The following AEBP2 variants were observed in gnomAD, a reference collection of about 807,000 sequenced individuals.
The protein encoded by AEBP2 is zinc finger protein AEBP2.
A neutral mutation model predicts 50.8 loss-of-function variants in AEBP2; 10 were observed. That is an observed-to-expected ratio of 0.20 (90% CI 0.12 to 0.33). The LOEUF (loss-of-function observed/expected upper bound fraction) is 0.33, where lower values mean the gene tolerates loss of function less well. AEBP2 is among the 10% of genes least tolerant of loss of function. AEBP2 has a pLI of 1.00. For missense variants in AEBP2, 570 were observed against 688.0 expected, an observed-to-expected ratio of 0.83 and a Z score of 1.92; for synonymous variants, 296 against 261.3, an observed-to-expected ratio of 1.13 and a Z score of -1.28.
intron 3 of AEBP2, among the ~76,000 whole-genome samples, chr12:19,488,702 ATTGC>A (rs777735480): frequency 2.2e-4 from 34 of 152,170 alleles, no homozygotes; most frequent in Non-Finnish European, 4.3e-4. Flanking sequence ...CAGTCTTAGT[ATTGC>A]TTCGTCCAAA....
rs2120668150 is a variant in AEBP2, at chr12:19,521,812, A to G, written c.*3695A>G. On this transcript the variant is annotated 3_prime_UTR_variant, in exon 8 of 8. Coordinates refer to ENST00000266508, the MANE Select transcript of AEBP2 (RefSeq NM_153207.5). ...TATTTTTTCTTTGAATTCTTAATTC[A>G]TGGTGAACAGATGTTGGGTTCTTAA... is the stretch of plus-strand genomic sequence containing the variant. 1 of 152,270 alleles carries G rather than the reference A, an allele frequency of 6.6e-6. No individual in the cohort carries two copies. The highest frequency in any genetic ancestry group is 2.1e-4 in the South Asian group (1 of 4,824). 9.4% of individuals were successfully genotyped at this position (152,270 alleles called of 1,614,324 possible).
rs546195292 is a variant in AEBP2, at chr12:19,442,165, T to G, written c.671+1795T>G. On this transcript the variant is annotated intron_variant, in intron 1 of 7. Coordinates refer to ENST00000266508, the MANE Select transcript of AEBP2 (RefSeq NM_153207.5). ...GCTCAGGCCTGTTAACCCCAGGACTTTGGGAGGCCGAGGTGGGCGGATCAC... is the reference window on the plus strand; with the variant it reads ...GCTCAGGCCTGTTAACCCCAGGACTGTGGGAGGCCGAGGTGGGCGGATCAC... Among the ~76,000 whole-genome samples the G allele has an allele frequency of 3.9e-5, 6 of 152,242 alleles. No individual in the cohort carries two copies. The South Asian group carries it at 1.2e-3, about 32-fold the overall frequency.
In AEBP2 at chr12:19,473,376, A is replaced by AATTTATTTATTTATTTATTT. The variant is rs71530938; in HGVS notation, c.987+48_987+67dup. The AATTTATTTATTTATTTATTT allele has an allele frequency of 1.3e-3, 227 of 175,558 alleles. 1 individual carries two copies. The highest frequency in any genetic ancestry group is 3.0e-3 in the Middle Eastern group (2 of 662). The allele number at this position is 175,558 out of a possible 1,614,324, so 10.9% of individuals were successfully genotyped here. On this transcript the variant is annotated intron_variant, in intron 3 of 7. Coordinates refer to ENST00000266508, the MANE Select transcript of AEBP2 (RefSeq NM_153207.5). ...TCAAGGTAAGGATGCATGTATATAAAATTTATTTATTTATTTATTTATTTA... is the reference window on the plus strand; with the variant it reads ...TCAAGGTAAGGATGCATGTATATAAAATTTATTTATTTATTTATTTATTTATTTATTTATTTATTTATTTA...
intron 1 of AEBP2, among the ~76,000 whole-genome samples, chr12:19,452,514 T>G (rs1191294405): frequency 6.6e-6 from 1 of 152,136 alleles, no homozygotes; most frequent in African/African-American, 2.4e-5. Context: ...CTTTTTTTTT[T>G]GTTGTTAATG....
intron 2 of AEBP2, among the ~76,000 whole-genome samples, chr12:19,466,493 C>CT (rs1303373952): frequency 6.6e-6 from 1 of 152,138 alleles, no homozygotes; most frequent in Non-Finnish European, 1.5e-5. Context: ...AGTTCAGGGG[C>CT]TTTAAGTACA....
At chr12:19,434,403 C>A (rs1297485019) in intron 1 of AEBP2, among the ~76,000 whole-genome samples, 8 of 151,580 alleles carry the variant, frequency 5.3e-5, no homozygotes, top group Non-Finnish European at 1.0e-4. Flanking sequence ...GAACTCCCGA[C>A]CTCAGGTGAT....
intron 2 of AEBP2, among the ~76,000 whole-genome samples, chr12:19,463,096 A>G (rs1948406240): frequency 6.6e-6 from 1 of 152,176 alleles, no homozygotes; most frequent in South Asian, 2.1e-4. Context: ...CGCTTAAATT[A>G]ACTGGGGAGA....
chr12:19,473,681 C>T (rs1948606387), intron 3 of AEBP2, among the ~76,000 whole-genome samples: 1 of 152,172 alleles, frequency 6.6e-6, no homozygotes, highest in African/African-American at 2.4e-5. Flanking sequence ...GCTGGGATTA[C>T]AGGCATGAGC....
intron 5 of AEBP2, among the ~76,000 whole-genome samples, chr12:19,505,395 T>C (rs907151557): frequency 2.0e-5 from 3 of 152,192 alleles, no homozygotes; most frequent in African/African-American, 7.2e-5. Context: ...TGTAATGACA[T>C]AGCAGTGAAC....
At chr12:19,511,241 A>G (rs879913783) in intron 5 of AEBP2, among the ~76,000 whole-genome samples, 5 of 152,096 alleles carry the variant, frequency 3.3e-5, no homozygotes, top group Non-Finnish European at 7.4e-5. Flanking sequence ...TGTGCCCAGC[A>G]CTCTAAAATG....
chr12:19,484,917 T>C (rs1225092896), intron 3 of AEBP2, among the ~76,000 whole-genome samples: 3 of 152,208 alleles, frequency 2.0e-5, no homozygotes. Context: ...ATACTGCAGA[T>C]CTTGGCCGTG....
intron 1 of AEBP2, among the ~76,000 whole-genome samples, chr12:19,426,061 G>A (rs1030195214): frequency 6.6e-6 from 1 of 151,972 alleles, no homozygotes; most frequent in Non-Finnish European, 1.5e-5. Flanking sequence ...TCAGCCTCCT[G>A]AGTAGCTGGG....
At position 19,493,696 on chromosome 12, in the gene AEBP2, G is replaced by A. The variant is rs767289049; in HGVS notation, c.988-104G>A. The A allele has an allele frequency of 8.1e-4, 883 of 1,089,476 alleles. 11 individuals are homozygous for A. Among genetic ancestry groups the A allele is most frequent in the Non-Finnish European group, 1.4e-4 (106 of 767,348 alleles). 67.5% of individuals were successfully genotyped at this position (1,089,476 alleles called of 1,614,324 possible). On this transcript the variant is annotated intron_variant, in intron 3 of 7. Transcript: ENST00000266508. ...CTTCCTTTCTGGAATTAGTTCTATT[G>A]TACTACTTATTTACTTCCGAAAATA...
chr12:19,456,286 T>A, intron 1 of AEBP2: 1 of 1,528,778 alleles, frequency 6.5e-7, no homozygotes, highest in Non-Finnish European at 9.0e-7. Flanking sequence ...TTGGTGACCT[T>A]GCCAGCTCCA....
chr12:19,480,866 T>C (rs1172679660), intron 3 of AEBP2, among the ~76,000 whole-genome samples: 3 of 152,208 alleles, frequency 2.0e-5, no homozygotes, highest in Non-Finnish European at 4.4e-5. Context: ...TCCTCAGTTA[T>C]TCACCTCGAG....
At chr12:19,433,906 G>A (rs923685983) in intron 1 of AEBP2, among the ~76,000 whole-genome samples, 1 of 152,016 alleles carries the variant, frequency 6.6e-6, no homozygotes, top group Non-Finnish European at 1.5e-5. Context: ...GAGTGTAGTG[G>A]CGCGATCTCG....
At chr12:19,413,429 T>TA in intron 1 of AEBP2, 1 of 1,127,042 alleles carries the variant, frequency 8.9e-7, no homozygotes, top group Middle Eastern at 2.8e-4. Flanking sequence ...AGAAGAAAAG[T>TA]AATGGACTCT....
chr12:19,505,143 T>G (rs1485069584), intron 5 of AEBP2, among the ~76,000 whole-genome samples: 1 of 152,232 alleles, frequency 6.6e-6, no homozygotes, highest in Non-Finnish European at 1.5e-5. Flanking sequence ...TTGTGGGGAT[T>G]CAGCAAGGTT....
chr12:19,472,435 T>A lies in AEBP2; in HGVS notation c.880-813T>A, dbSNP rs140045897. Among the ~76,000 whole-genome samples the A allele has an allele frequency of 5.9e-5, 9 of 152,276 alleles. No individual in the cohort carries two copies. In the East Asian group the frequency reaches 1.7e-3, roughly 29 times the overall value. The stretch of plus-strand genomic sequence containing the variant: ...AGTTAGGAAATTGACATGTCACTGG[T>A]AGGAAGATGATAAAGATTAATTTGT... On this transcript the variant is annotated intron_variant, in intron 2 of 7. Transcript: ENST00000266508.
Sources: allele counts gnomAD v4.1 joint callset (sites outside exome capture counted in the v4.1 genomes callset), GRCh38; gene constraint gnomAD v4.1.1; transcripts MANE v1.5; gene names NCBI Gene and HGNC (gene_info 2026-07-23, HGNC 2026-07-21).